Variants in UNC13B observed in about 807,000 individuals in gnomAD.
The protein encoded by UNC13B is unc-13 homolog B, also known as protein unc-13 homolog B.
Under a neutral mutation model 211.0 loss-of-function variants are expected in UNC13B, and 144 were observed. The observed-to-expected ratio is 0.68, with a 90% CI of 0.60 to 0.78. UNC13B has a LOEUF of 0.78. Ranked by LOEUF, UNC13B falls within the 30% of genes least tolerant of loss-of-function variation. The probability of loss-of-function intolerance (pLI) is 0.00; values close to 1 mark genes in which losing one functional copy is unlikely to be tolerated. For missense variants in UNC13B, 1,777 were observed against 2,002.0 expected (o/e 0.89, Z 2.14); for synonymous variants, 709 against 725.8 (o/e 0.98, Z 0.37).
chr9:35,297,433 G>T (rs1161808471), intron 8 of UNC13B, among the ~76,000 whole-genome samples: 1 of 150,056 alleles, frequency 6.7e-6, no homozygotes, highest in East Asian at 2.0e-4. Flanking sequence ...TTTTGAGAAT[G>T]CCTCTTCGTT....
intron 1 of UNC13B, among the ~76,000 whole-genome samples, chr9:35,174,248 C>G (rs1471829939): frequency 6.6e-6 from 1 of 151,844 alleles, no homozygotes; most frequent in African/African-American, 2.4e-5. Flanking sequence ...GCCTCAACTT[C>G]CAGGGCTCAG....
At chr9:35,178,389 T>C (rs1821752037) in intron 1 of UNC13B, among the ~76,000 whole-genome samples, 1 of 151,766 alleles carries the variant, frequency 6.6e-6, no homozygotes. Flanking sequence ...CCCTAATACT[T>C]GGGAGGCTGA....
At chr9:35,239,678 A>G (rs1825701754) in intron 5 of UNC13B, among the ~76,000 whole-genome samples, 1 of 152,118 alleles carries the variant, frequency 6.6e-6, no homozygotes, top group Non-Finnish European at 1.5e-5. Context: ...CCTTATCTAC[A>G]ACCGTAAAAG....
intron 11 of UNC13B, among the ~76,000 whole-genome samples, chr9:35,345,331 G>A (rs1832282647): frequency 6.6e-6 from 1 of 152,180 alleles, no homozygotes; most frequent in South Asian, 2.1e-4. Flanking sequence ...TTTAGCCAAG[G>A]AGCAGGGTGG....
chr9:35,257,370 TA>T (rs11389755), intron 6 of UNC13B, among the ~76,000 whole-genome samples: 1 of 60,680 alleles, frequency 1.6e-5, no homozygotes, highest in African/African-American at 8.6e-5. Context: ...TAAATATTTA[TA>T]AAATATTTAT....
Position 35,404,204 on chromosome 9 carries a change from G to A in UNC13B, c.*171G>A. ...TGATAATATGGCTTTTCACAGAAAGGGTCATGAAGCCCTGGCCCAACAGGA... is the reference window on the plus strand; with the variant it reads ...TGATAATATGGCTTTTCACAGAAAGAGTCATGAAGCCCTGGCCCAACAGGA... On this transcript the variant is annotated 3_prime_UTR_variant, in exon 40 of 40. Coordinates refer to ENST00000635942, the MANE Select transcript of UNC13B (RefSeq NM_001371189.2). 1.2e-6 allele frequency: 1 copy of A among 865,150 alleles called. No individual in the cohort carries two copies. The highest frequency in any genetic ancestry group is 1.7e-6 in the Non-Finnish European group (1 of 579,820). The allele number at this position is 865,150 out of a possible 1,614,324, so 53.6% of individuals were successfully genotyped here.
intron 1 of UNC13B, among the ~76,000 whole-genome samples, chr9:35,211,883 C>A (rs1662071789): frequency 6.6e-6 from 1 of 152,098 alleles, no homozygotes; most frequent in Non-Finnish European, 1.5e-5. Context: ...ATGGCTTGAG[C>A]CTGGGAGGTT....
chr9:35,305,909 G>C lies in UNC13B; in HGVS notation c.6505G>C (p.Glu2169Gln). ...KSIFSFLTGS[E>Q]KSENRASATL... Reference sequence around the variant, plus strand: ...TATATTTTCTTTTCTCACTGGATCTGAAAAATCTGAGAACAGAGCCTCTGC... The same window carrying C: ...TATATTTTCTTTTCTCACTGGATCTCAAAAATCTGAGAACAGAGCCTCTGC... Residue 2169 changes from glutamate to glutamine, a missense_variant, in exon 9 of 40, where the codon GAA (glutamate) becomes CAA (glutamine). Physicochemically the swap from Glu to Gln is conservative, Grantham distance 29 (BLOSUM62 2). Transcript: ENST00000635942. The C allele has an allele frequency of 2.5e-6, 1 of 398,976 alleles. No individual in the cohort carries two copies. Among genetic ancestry groups the C allele is most frequent in the Non-Finnish European group, 4.4e-6 (1 of 226,030 alleles). 24.7% of individuals were successfully genotyped at this position (398,976 alleles called of 1,614,324 possible).
chr9:35,276,816 G>A lies in UNC13B; in HGVS notation c.526+17766G>A, dbSNP rs190365969. On this transcript the variant is annotated intron_variant, in intron 7 of 39. Coordinates refer to ENST00000635942, the MANE Select transcript of UNC13B (RefSeq NM_001371189.2). ...AAATGAGTCAAAAATTTAATTATGC[G>A]GTGTCTTTCAATGATAATTGTTTTC... Among the ~76,000 whole-genome samples the A allele has an allele frequency of 1.0e-3, 155 of 151,936 alleles. 1 individual carries two copies. The South Asian group carries it at 0.019, about 18-fold the overall frequency.
At chr9:35,335,295 T>TTC (rs1179153712) in intron 11 of UNC13B, among the ~76,000 whole-genome samples, 1 of 152,184 alleles carries the variant, frequency 6.6e-6, no homozygotes, top group Non-Finnish European at 1.5e-5. Flanking sequence ...GATAACTTGC[T>TTC]TCCTGTGTTT....
At chr9:35,174,393 C>T (rs906579940) in intron 1 of UNC13B, among the ~76,000 whole-genome samples, 4 of 151,662 alleles carry the variant, frequency 2.6e-5, no homozygotes, top group Admixed American at 1.3e-4. Flanking sequence ...AGTGCGATCT[C>T]GGCTCACTGC....
chr9:35,183,811 C>A (rs1281753536), intron 1 of UNC13B, among the ~76,000 whole-genome samples: 3 of 132,870 alleles, frequency 2.3e-5, no homozygotes, highest in African/African-American at 8.8e-5. Flanking sequence ...AGACGATGGG[C>A]GGCCGGGCAG....
chr9:35,300,958 T>TGACAAG lies in UNC13B; in HGVS notation c.1559_1564dup (p.Lys520_Asp521dup), dbSNP rs1375326051. ...TACCACCTTTAACTATTGTCAAGAATGACAAGGACACGGCCATCTCTTTCC... is the reference window on the plus strand; with the variant it reads ...TACCACCTTTAACTATTGTCAAGAATGACAAGGACAAGGACACGGCCATCTCTTTCC... On this transcript the variant is annotated inframe_insertion, in exon 9 of 40. Coordinates refer to ENST00000635942, the MANE Select transcript of UNC13B (RefSeq NM_001371189.2). The TGACAAG allele has an allele frequency of 5.0e-6, 2 of 398,828 alleles. No homozygotes were observed. Among genetic ancestry groups the TGACAAG allele is most frequent in the Non-Finnish European group, 8.8e-6 (2 of 226,024 alleles). The allele number at this position is 398,828 out of a possible 1,614,324, so 24.7% of individuals were successfully genotyped here. A position where few individuals can be genotyped will look rare whatever the true frequency, so the allele number is the denominator to read the frequency against.
At chr9:35,237,679 T>C (rs1359616086) in intron 4 of UNC13B, 24 bp from the exon 5 acceptor site, 8 of 1,605,742 alleles carry the variant, frequency 5.0e-6, no homozygotes, top group Non-Finnish European at 6.8e-6. Context: ...GATTAAACTT[T>C]AATCTTAGAT....
intron 7 of UNC13B, among the ~76,000 whole-genome samples, chr9:35,271,302 G>A (rs1327488951): frequency 6.6e-6 from 1 of 151,964 alleles, no homozygotes; most frequent in African/African-American, 2.4e-5. Context: ...TTTCTTTTAG[G>A]ATATGTTCTT....
intron 11 of UNC13B, chr9:35,353,087 A>G (rs1214032038): frequency 1.6e-6 from 2 of 1,232,064 alleles, no homozygotes; most frequent in Non-Finnish European, 2.0e-6. Context: ...TGCAGCTCTG[A>G]GCTGTGACAG....
At chr9:35,343,203 A>T (rs1350473339) in intron 11 of UNC13B, among the ~76,000 whole-genome samples, 6 of 152,232 alleles carry the variant, frequency 3.9e-5, no homozygotes, top group Non-Finnish European at 8.8e-5. Flanking sequence ...AATCAGTATA[A>T]TCAGAACAGT....
In UNC13B at chr9:35,165,712, C is replaced by T. The variant is rs568625179; in HGVS notation, c.22+3407C>T. ...GATTACAGGCGTGAGCCACTGCGCCCGGCCTAGACTTGAATTTTTAAGAAA... is the reference window on the plus strand; with the variant it reads ...GATTACAGGCGTGAGCCACTGCGCCTGGCCTAGACTTGAATTTTTAAGAAA... On this transcript the variant is annotated intron_variant, in intron 1 of 39. Transcript: ENST00000635942. 1.3e-4 allele frequency among the ~76,000 whole-genome samples: 20 copies of T among 151,942 alleles called. 1 individual carries two copies. Among genetic ancestry groups the T allele is most frequent in the African/African-American group, 4.8e-5 (2 of 41,370 alleles).
intron 10 of UNC13B, 68 bp downstream of exon 10, chr9:35,310,849 A>G: frequency 6.9e-7 from 1 of 1,454,212 alleles, no homozygotes; most frequent in Non-Finnish European, 9.3e-7. Flanking sequence ...ATTGCTGAAA[A>G]TAAGTGATTG....
Sources: gnomAD v4.1 joint callset for allele counts (sites outside exome capture counted in the v4.1 genomes callset) on GRCh38, gnomAD v4.1.1 for gene constraint, MANE v1.5 for transcripts, NCBI Gene and HGNC (gene_info 2026-07-23, HGNC 2026-07-21) for gene names.